FIG4: variants seen among roughly 807,000 people sequenced by gnomAD.
FIG4 encodes FIG4 phosphoinositide 5-phosphatase.
In FIG4, 112 loss-of-function variants were observed where a neutral mutation model predicts 118.6. The observed-to-expected ratio is 0.94, with a 90% CI of 0.81 to 1.11. FIG4 has a LOEUF of 1.11. FIG4 is among the 50% of genes least tolerant of loss of function. FIG4 has a pLI of 0.00. For synonymous variants in FIG4, 369 were observed against 381.2 expected, an observed-to-expected ratio of 0.97 and a Z score of 0.37; for missense variants, 969 against 1,111.7, an observed-to-expected ratio of 0.87 and a Z score of 1.83.
chr6:109,765,908 A>G (rs917703556), intron 14 of FIG4, among the ~76,000 whole-genome samples: 9 of 152,196 alleles, frequency 5.9e-5, no homozygotes, highest in African/African-American at 2.2e-4. Context: ...ACACCAACAG[A>G]TATCACTGCA....
chr6:109,805,712 C>T (rs887462852), intron 22 of FIG4, among the ~76,000 whole-genome samples: 8 of 152,090 alleles, frequency 5.3e-5, no homozygotes, highest in Non-Finnish European at 1.2e-4. Context: ...TTTTACTCTT[C>T]ATGTTAAAAA....
chr6:109,753,117 T>G (rs960304233), intron 10 of FIG4, among the ~76,000 whole-genome samples: 25 of 152,330 alleles, frequency 1.6e-4, no homozygotes, highest in African/African-American at 6.0e-4. Flanking sequence ...ATTGCTTGTT[T>G]TTGTCAGATT....
intron 16 of FIG4, among the ~76,000 whole-genome samples, chr6:109,777,578 T>C (rs1777657755): frequency 6.6e-6 from 1 of 152,216 alleles, no homozygotes; most frequent in African/African-American, 2.4e-5. Flanking sequence ...AAGCAGCATG[T>C]ACCTTGTAAT....
chr6:109,780,803 G>A (rs1430212011), intron 16 of FIG4, among the ~76,000 whole-genome samples: 2 of 152,144 alleles, frequency 1.3e-5, no homozygotes, highest in South Asian at 2.1e-4. Flanking sequence ...TCTACCTAGA[G>A]TCATTGGAAC....
chr6:109,733,643 G>C (rs1323742517), intron 5 of FIG4, among the ~76,000 whole-genome samples: 1 of 152,144 alleles, frequency 6.6e-6, no homozygotes, highest in East Asian at 1.9e-4. Flanking sequence ...AAACCTGAAG[G>C]AAGTTGATTA....
At chr6:109,728,259 A>C (rs1775880527) in intron 4 of FIG4, among the ~76,000 whole-genome samples, 1 of 152,184 alleles carries the variant, frequency 6.6e-6, no homozygotes, top group Non-Finnish European at 1.5e-5. Flanking sequence ...GTGTTTAAGG[A>C]GAGAGCGCTA....
intron 4 of FIG4, among the ~76,000 whole-genome samples, chr6:109,727,870 C>T (rs941012754): frequency 6.6e-6 from 1 of 152,114 alleles, no homozygotes; most frequent in Admixed American, 6.6e-5. Context: ...GGCCTAGATT[C>T]TTAAAAGAAT....
intron 1 of FIG4, among the ~76,000 whole-genome samples, chr6:109,691,833 G>T (rs1204716306): frequency 1.3e-5 from 2 of 152,192 alleles, no homozygotes; most frequent in Non-Finnish European, 2.9e-5. Flanking sequence ...CAGAAAGTCT[G>T]TTAAAGTTCT....
Position 109,769,623 on chromosome 6 carries a change from T to TA in FIG4, c.1750+2742dup, listed in dbSNP as rs777015058. 7.7e-4 allele frequency among the ~76,000 whole-genome samples: 108 copies of TA among 140,056 alleles called. 1 individual carries two copies. The highest frequency in any genetic ancestry group is 2.1e-3 in the East Asian group (10 of 4,844). 91.9% of individuals were successfully genotyped at this position (140,056 alleles called of 152,430 possible). A position where few individuals can be genotyped will look rare whatever the true frequency, so the allele number is the denominator to read the frequency against. ...GCAGGAACATACTGATAAACTAGAT[T>TA]AAAAAAAAAAAAAAGCGCTGGGCAC... On this transcript the variant is annotated intron_variant, in intron 15 of 22. Coordinates refer to ENST00000230124, the MANE Select transcript of FIG4 (RefSeq NM_014845.6).
At chr6:109,732,501 C>G (rs1355435519) in intron 4 of FIG4, 136 bp from the exon 5 acceptor site, 4 of 650,962 alleles carry the variant, frequency 6.1e-6, no homozygotes, top group Non-Finnish European at 1.1e-5. Context: ...GATGTAATCC[C>G]TATTCTAGAT....
chr6:109,691,433 G>GCCATGCCCACGGCCGCCGCCC lies in FIG4; in HGVS notation c.3_23dup, dbSNP rs1462234190. 5 of 1,576,012 alleles carry GCCATGCCCACGGCCGCCGCCC rather than the reference G, an allele frequency of 3.2e-6. No individual in the cohort carries two copies. The highest frequency in any genetic ancestry group is 3.4e-6 in the Non-Finnish European group (4 of 1,160,724). The stretch of plus-strand genomic sequence containing the variant: ...TGTTGTGGGGCCCCCATTTGCCGCC[G>GCCATGCCCACGGCCGCCGCCC]CCATGCCCACGGCCGCCGCCCCCAT... On this transcript the variant is annotated 5_prime_UTR_variant, in exon 1 of 23. It adds an upstream start codon to the 5' untranslated region. Transcript: ENST00000230124.
chr6:109,749,699 T>G (rs1372903823), intron 10 of FIG4, among the ~76,000 whole-genome samples: 1 of 152,292 alleles, frequency 6.6e-6, no homozygotes, highest in East Asian at 1.9e-4. Flanking sequence ...CTACAATGCT[T>G]GAAATAATTC....
intron 1 of FIG4, among the ~76,000 whole-genome samples, chr6:109,708,447 A>G (rs1474310530): frequency 6.6e-6 from 1 of 152,208 alleles, no homozygotes; most frequent in Non-Finnish European, 1.5e-5. Context: ...ATGTGTCTTT[A>G]TAATAGAACA....
intron 20 of FIG4, 116 bp downstream of exon 20, chr6:109,791,687 T>A: frequency 1.2e-6 from 1 of 846,042 alleles, no homozygotes; most frequent in Non-Finnish European, 2.0e-6. Context: ...CTCACTGTTG[T>A]GTTTGAGGCA....
At chr6:109,708,463 T>C (rs1167291264) in intron 1 of FIG4, among the ~76,000 whole-genome samples, 2 of 152,244 alleles carry the variant, frequency 1.3e-5, no homozygotes, top group African/African-American at 4.8e-5. Context: ...GAACAACTTC[T>C]CTTCCTTTGA....
intron 3 of FIG4, among the ~76,000 whole-genome samples, chr6:109,726,725 C>G (rs1282256350): frequency 4.6e-5 from 7 of 152,144 alleles, no homozygotes; most frequent in Non-Finnish European, 1.0e-4. Context: ...AATATTGATT[C>G]TTCTTATCCA....
At chr6:109,764,882 C>G in intron 13 of FIG4, 131 bp from the exon 14 acceptor site, 1 of 685,806 alleles carries the variant, frequency 1.5e-6, no homozygotes, top group Admixed American at 2.4e-5. Flanking sequence ...GGAATAATAC[C>G]TGCCCACAGA....
intron 17 of FIG4, among the ~76,000 whole-genome samples, chr6:109,785,384 G>A (rs1005172936): frequency 6.6e-6 from 1 of 152,108 alleles, no homozygotes. Context: ...GAGGAAGTAA[G>A]GACCTATTCA....
intron 1 of FIG4, among the ~76,000 whole-genome samples, chr6:109,706,005 C>T (rs1775055385): frequency 6.6e-6 from 1 of 152,170 alleles, no homozygotes; most frequent in Non-Finnish European, 1.5e-5. Context: ...AATTACCCAG[C>T]ACATGAAATG....
Sources: gnomAD v4.1 joint callset for allele counts (sites outside exome capture counted in the v4.1 genomes callset) on GRCh38, gnomAD v4.1.1 for gene constraint, MANE v1.5 for transcripts, NCBI Gene and HGNC (gene_info 2026-07-23, HGNC 2026-07-21) for gene names.